The following SCAPER variants were observed in gnomAD, a reference collection of about 807,000 sequenced individuals.
SCAPER encodes S phase cyclin A-associated protein in the endoplasmic reticulum.
A neutral mutation model predicts 182.2 loss-of-function variants in SCAPER; 98 were observed. The ratio of observed to expected loss-of-function variants is 0.54; its 90% CI spans 0.46 to 0.64. The LOEUF (loss-of-function observed/expected upper bound fraction) is 0.64. SCAPER is among the 30% of genes least tolerant of loss of function. The pLI is 0.00. For missense variants in SCAPER, 1,432 were observed against 1,690.0 expected, an observed-to-expected ratio of 0.85 and a Z score of 2.68; for synonymous variants, 605 against 564.6, an observed-to-expected ratio of 1.07 and a Z score of -1.01.
At chr15:76,429,732 G>A (rs2046729423) in intron 26 of SCAPER, among the ~76,000 whole-genome samples, 2 of 152,104 alleles carry the variant, frequency 1.3e-5, no homozygotes, top group Non-Finnish European at 2.9e-5. Flanking sequence ...CAGCATAAAA[G>A]TTTGGAAAAT....
intron 21 of SCAPER, among the ~76,000 whole-genome samples, chr15:76,648,263 T>C (rs772193394): frequency 1.4e-5 from 2 of 144,612 alleles, no homozygotes; most frequent in African/African-American, 2.6e-5. Flanking sequence ...AGATGAAAAA[T>C]ATAACACATG....
intron 24 of SCAPER, among the ~76,000 whole-genome samples, chr15:76,482,461 T>C (rs567134151): frequency 1.3e-5 from 2 of 152,268 alleles, no homozygotes; most frequent in East Asian, 3.9e-4. Context: ...CCCCCCAAGA[T>C]TGGGGACAAG....
chr15:76,835,326 A>C (rs1020145481), intron 5 of SCAPER, among the ~76,000 whole-genome samples: 3 of 152,176 alleles, frequency 2.0e-5, no homozygotes, highest in Admixed American at 6.5e-5. Context: ...ATCAAGCAGC[A>C]CATCAAAAAG....
At chr15:76,780,771 C>T (rs1405575362) in intron 8 of SCAPER, among the ~76,000 whole-genome samples, 2 of 152,158 alleles carry the variant, frequency 1.3e-5, no homozygotes, top group Non-Finnish European at 2.9e-5. Context: ...CAGCAAACTC[C>T]AACAGACCTG....
rs763351133 is a variant in SCAPER at position 76,795,293 on chromosome 15, G to C, written c.759C>G (p.Ala253=). The C allele has an allele frequency of 6.2e-7, 1 of 1,609,304 alleles. No homozygotes were observed. The part of the protein sequence containing the change: ...QSCPPMTVQK[A]SRKNERKDAE... ...GAAGTCACTTGCCATTTTTGCGTGA[G>C]GCCTTCTGCACTGTCATTGGTGGGC... The change falls in exon 8 of 32, where the codon GCC becomes GCG. Residue 253 remains alanine (A), a synonymous_variant. Transcript: ENST00000563290.
At chr15:76,495,014 TA>T (rs780168123) in intron 24 of SCAPER, among the ~76,000 whole-genome samples, 1 of 152,054 alleles carries the variant, frequency 6.6e-6, no homozygotes, top group Non-Finnish European at 1.5e-5. Context: ...TATAGTGTGA[TA>T]ATGGTGAAAA....
chr15:76,419,912 A>C lies in SCAPER; in HGVS notation c.3311+14166T>G, dbSNP rs1160981617. Among the ~76,000 whole-genome samples, 3 of 152,336 alleles carry C rather than the reference A, an allele frequency of 2.0e-5. No individual in the cohort carries two copies. The East Asian group carries it at 5.8e-4, about 29-fold the overall frequency. ...AACAAGATACTAACAAACTAAATTC[A>C]ATAACACATTAAAAAGATCATTCAC... On this transcript the variant is annotated intron_variant, in intron 26 of 31. Transcript: ENST00000563290.
chr15:76,401,165 T>C (rs1029717628), intron 27 of SCAPER, among the ~76,000 whole-genome samples: 7 of 152,206 alleles, frequency 4.6e-5, no homozygotes, highest in Admixed American at 1.3e-4. Flanking sequence ...TCTTATATCA[T>C]ATATAACAAC....
chr15:76,376,299 C>A lies in SCAPER; in HGVS notation c.3718G>T (p.Ala1240Ser). The A allele has an allele frequency of 6.2e-7, 1 of 1,612,498 alleles. No homozygotes were observed. The change falls in exon 29 of 32, where the codon GCA becomes TCA. Residue 1240 changes from alanine (A) to serine (S), a missense_variant. Ala to Ser is a moderately conservative substitution (Grantham distance 99). This residue lies in a region of SCAPER where 718 missense variants were observed against 799.7 expected (regional missense o/e 0.90). Transcript: ENST00000563290. The stretch of plus-strand genomic sequence containing the variant: ...CGGAATGCAAGGGACAAGCCCTCTG[C>A]CCCTACAATAGACTGACAAAGACAA... ...HLPAFQSIVGAEGLSLAFRHM... is the reference protein window; with the variant it reads ...HLPAFQSIVGSEGLSLAFRHM...
At chr15:76,885,710 A>AT (rs2073803458) in intron 1 of SCAPER, among the ~76,000 whole-genome samples, 1 of 152,024 alleles carries the variant, frequency 6.6e-6, no homozygotes, top group African/African-American at 2.4e-5. Flanking sequence ...GTCTCGAACT[A>AT]TTGGGCTCAA....
intron 25 of SCAPER, among the ~76,000 whole-genome samples, chr15:76,445,896 C>T (rs1019101584): frequency 5.9e-5 from 9 of 152,148 alleles, no homozygotes; most frequent in South Asian, 2.1e-4. Flanking sequence ...CAAGGGATGG[C>T]GAGAGGGGCG....
At chr15:76,552,016 T>G (rs2045814277) in intron 23 of SCAPER, among the ~76,000 whole-genome samples, 1 of 151,996 alleles carries the variant, frequency 6.6e-6, no homozygotes, top group Admixed American at 6.6e-5. Context: ...CTGGGCATGG[T>G]GGCTCATGCC....
intron 21 of SCAPER, among the ~76,000 whole-genome samples, chr15:76,643,126 G>C (rs2054237321): frequency 6.6e-6 from 1 of 152,124 alleles, no homozygotes; most frequent in African/African-American, 2.4e-5. Flanking sequence ...CTGCATACAT[G>C]CTACATGCTC....
rs769062491 is a variant in SCAPER at position 76,511,839 on chromosome 15, A to ATGTG, written c.2839-6866_2839-6865insCACA. 2.8e-3 allele frequency among the ~76,000 whole-genome samples: 118 copies of ATGTG among 42,410 alleles called. No individual in the cohort carries two copies. The South Asian group carries it at 0.032, about 11-fold the overall frequency. 27.8% of individuals were successfully genotyped at this position (42,410 alleles called of 152,430 possible). ...ACAAAGATACACTTATTATATATAT[A>ATGTG]TATATGTGTGTGTGTGTGTGTGTGT... On this transcript the variant is annotated intron_variant, in intron 23 of 31. Transcript: ENST00000563290.
At chr15:76,839,348 G>A (rs536871597) in intron 5 of SCAPER, among the ~76,000 whole-genome samples, 7 of 152,168 alleles carry the variant, frequency 4.6e-5, no homozygotes, top group South Asian at 4.2e-4. Context: ...CTGAATCCAC[G>A]TACAAAATGA....
chr15:76,764,909 A>G lies in SCAPER; in HGVS notation c.1725+52T>C, dbSNP rs1165544915. ...TCTCAGACCAGAAGTAGAGTTGAAAATAAGCCCAGCAACTTCAGACTATCA... is the reference window on the plus strand; with the variant it reads ...TCTCAGACCAGAAGTAGAGTTGAAAGTAAGCCCAGCAACTTCAGACTATCA... On this transcript the variant is annotated intron_variant, in intron 14 of 31. Coordinates refer to ENST00000563290, the MANE Select transcript of SCAPER (RefSeq NM_020843.4). 3.7e-6 allele frequency: 4 copies of G among 1,074,170 alleles called. No individual in the cohort carries two copies. The African/African-American group carries it at 6.5e-5, about 17-fold the overall frequency. The allele number at this position is 1,074,170 out of a possible 1,614,324, so 66.5% of individuals were successfully genotyped here. A position where few individuals can be genotyped will look rare whatever the true frequency, so the allele number is the denominator to read the frequency against.
chr15:76,732,689 T>C (rs2060989141), intron 16 of SCAPER, among the ~76,000 whole-genome samples: 1 of 152,350 alleles, frequency 6.6e-6, no homozygotes, highest in South Asian at 2.1e-4. Flanking sequence ...CCACCTCTTG[T>C]GCCCGCAGTT....
rs576600403 is a variant in SCAPER at position 76,802,078 on chromosome 15, T to A, written c.495-1714A>T. ...AATTTTGCAAGCACAAAAAAAAAAA[T>A]TTTTTTTTAATGCATTGGTGATTAC... is the stretch of plus-strand genomic sequence containing the variant. On this transcript the variant is annotated intron_variant, in intron 6 of 31. Transcript: ENST00000563290. Among the ~76,000 whole-genome samples the A allele has an allele frequency of 2.5e-3, 379 of 150,060 alleles. 3 individuals carry two copies. Among genetic ancestry groups the A allele is most frequent in the African/African-American group, 8.2e-3 (329 of 40,344 alleles).
At chr15:76,446,776 T>A in intron 25 of SCAPER, among the ~76,000 whole-genome samples, 1 of 152,236 alleles carries the variant, frequency 6.6e-6, no homozygotes, top group Non-Finnish European at 1.5e-5. Context: ...AATCTCATAA[T>A]ACTGTGAAAT....
Sources: gnomAD v4.1 joint callset for allele counts (sites outside exome capture counted in the v4.1 genomes callset) on GRCh38, gnomAD v4.1.1 for gene constraint, gnomAD v4.1.1 regional missense constraint, MANE v1.5 for transcripts, NCBI Gene and HGNC (gene_info 2026-07-23, HGNC 2026-07-21) for gene names.